LAMC1: variants seen among roughly 807,000 people sequenced by gnomAD.
LAMC1 encodes the protein laminin subunit gamma-1.
Under a neutral mutation model 173.6 loss-of-function variants are expected in LAMC1, and 38 were observed. The ratio of observed to expected loss-of-function variants is 0.22; its 90% confidence interval spans 0.17 to 0.29. The LOEUF (loss-of-function observed/expected upper bound fraction) is 0.29, where lower values mean the gene tolerates loss of function less well. Ranked by LOEUF, LAMC1 falls within the 10% of genes least tolerant of loss-of-function variation. The pLI is 1.00. For synonymous variants in LAMC1, 746 were observed against 749.1 expected (o/e 1.00, Z 0.07); for missense variants, 1,824 against 2,051.8 (o/e 0.89, Z 2.14).
intron 15 of LAMC1, among the ~76,000 whole-genome samples, chr1:183,125,841 G>A (rs994665028): frequency 5.9e-5 from 9 of 152,112 alleles, no homozygotes; most frequent in African/African-American, 2.2e-4. Flanking sequence ...TTGCAGCCTG[G>A]GAACTTCTGT....
chr1:183,070,617 A>G (rs934371473), intron 1 of LAMC1, among the ~76,000 whole-genome samples: 2 of 152,202 alleles, frequency 1.3e-5, no homozygotes, highest in African/African-American at 2.4e-5. Flanking sequence ...TAAATGCTGT[A>G]TCTAGTTAAT....
intron 1 of LAMC1, among the ~76,000 whole-genome samples, chr1:183,098,672 C>G (rs562465983): frequency 6.6e-6 from 1 of 152,148 alleles, no homozygotes; most frequent in Admixed American, 6.6e-5. Flanking sequence ...CTGTCTTTGC[C>G]GCCAGTCTTG....
chr1:183,088,978 A>G (rs532702421), intron 1 of LAMC1, among the ~76,000 whole-genome samples: 1 of 152,350 alleles, frequency 6.6e-6, no homozygotes, highest in East Asian at 1.9e-4. Flanking sequence ...AGGAGTGTGT[A>G]TTAGATCAGG....
intron 1 of LAMC1, among the ~76,000 whole-genome samples, chr1:183,059,223 A>G (rs1305082948): frequency 2.6e-5 from 4 of 152,216 alleles, no homozygotes; most frequent in Non-Finnish European, 5.9e-5. Flanking sequence ...GAGAAGCTTC[A>G]TTGTTGATGC....
At position 183,052,655 on chromosome 1, in the gene LAMC1, C is replaced by T. The variant is rs539724990; in HGVS notation, c.418+28521C>T. On this transcript the variant is annotated intron_variant, in intron 1 of 27. Coordinates refer to ENST00000258341, the MANE Select transcript of LAMC1 (RefSeq NM_002293.4). Reference sequence around the variant, plus strand: ...CAGCCACTTAACTTTCTTTTTCTTACATTTTCATCTCTTTATCCCTCCTGC... The same window carrying T: ...CAGCCACTTAACTTTCTTTTTCTTATATTTTCATCTCTTTATCCCTCCTGC... Among the ~76,000 whole-genome samples the T allele has an allele frequency of 1.7e-3, 257 of 152,162 alleles. 3 individuals carry two copies. Among genetic ancestry groups the T allele is most frequent in the African/African-American group, 5.1e-3 (212 of 41,522 alleles).
intron 24 of LAMC1, among the ~76,000 whole-genome samples, chr1:183,136,062 G>T (rs1656930116): frequency 6.6e-6 from 1 of 152,090 alleles, no homozygotes. Flanking sequence ...TCTTAACTCA[G>T]TACCCGACAC....
intron 16 of LAMC1, 33 bp from the exon 17 acceptor site, chr1:183,127,193 C>T: frequency 6.3e-7 from 1 of 1,593,642 alleles, no homozygotes; most frequent in South Asian, 1.1e-5. Context: ...CCTTCTTTTG[C>T]TAATTATGTA....
At chr1:183,138,565 T>C (rs1323696811) in intron 26 of LAMC1, 1 of 152,176 alleles carries the variant, frequency 6.6e-6, no homozygotes, top group Non-Finnish European at 1.5e-5. Context: ...AGTCCCTCAG[T>C]GTGGGTCATT....
At chr1:183,129,861 A>G (rs892471214) in intron 18 of LAMC1, among the ~76,000 whole-genome samples, 2 of 152,218 alleles carry the variant, frequency 1.3e-5, no homozygotes, top group African/African-American at 2.4e-5. Flanking sequence ...AAAAGAGTCT[A>G]TTTAGTTTAA....
intron 16 of LAMC1, 33 bp from the exon 17 acceptor site, chr1:183,127,193 C>G (rs1656643054): frequency 6.3e-7 from 1 of 1,593,524 alleles, no homozygotes; most frequent in Admixed American, 1.7e-5. Context: ...CCTTCTTTTG[C>G]TAATTATGTA....
At chr1:183,083,853 C>CAT (rs1655352830) in intron 1 of LAMC1, among the ~76,000 whole-genome samples, 1 of 151,970 alleles carries the variant, frequency 6.6e-6, no homozygotes, top group Non-Finnish European at 1.5e-5. Flanking sequence ...CATAATTTCC[C>CAT]ATATATTATA....
intron 1 of LAMC1, among the ~76,000 whole-genome samples, chr1:183,075,053 T>A (rs1655091294): frequency 6.6e-6 from 1 of 152,042 alleles, no homozygotes; most frequent in South Asian, 2.1e-4. Flanking sequence ...CAAGATAGAT[T>A]ATTAAAATTA....
intron 4 of LAMC1, among the ~76,000 whole-genome samples, chr1:183,111,586 G>T (rs185673004): frequency 3.3e-5 from 5 of 152,230 alleles, no homozygotes; most frequent in Admixed American, 3.3e-4. Context: ...TAATGTCATG[G>T]TTTATTCTGA....
intron 1 of LAMC1, among the ~76,000 whole-genome samples, chr1:183,029,478 G>C (rs147074826): frequency 6.6e-6 from 1 of 152,194 alleles, no homozygotes; most frequent in African/African-American, 2.4e-5. Flanking sequence ...TTCTGCAGTG[G>C]TTCCTCAAGG....
chr1:183,043,776 G>A (rs1053782091), intron 1 of LAMC1, among the ~76,000 whole-genome samples: 1 of 152,136 alleles, frequency 6.6e-6, no homozygotes, highest in African/African-American at 2.4e-5. Flanking sequence ...GTAAAAAGGT[G>A]TTGCCTTTTA....
chr1:183,124,760 G>A lies in LAMC1; in HGVS notation c.2531G>A (p.Arg844His), dbSNP rs1656574555. The A allele has an allele frequency of 1.2e-6, 2 of 1,614,174 alleles. No individual in the cohort carries two copies. The highest frequency in any genetic ancestry group is 1.7e-6 in the Non-Finnish European group (2 of 1,180,032). Residue 844 changes from arginine to histidine, a missense_variant, in exon 14 of 28, where the codon CGC becomes CAC. Arg to His is a conservative substitution (Grantham distance 29). Coordinates refer to ENST00000258341, the MANE Select transcript of LAMC1 (RefSeq NM_002293.4). ...CCCAATGCAGTTGGAAATTGCAATC[G>A]CTTGACGGGAGAATGCCTGAAGTGC... is the stretch of plus-strand genomic sequence containing the variant. ...IDPNAVGNCN[R>H]LTGECLKCIY...
chr1:183,096,573 T>TCAA (rs1448056036), intron 1 of LAMC1: 1 of 152,232 alleles, frequency 6.6e-6, no homozygotes, highest in Non-Finnish European at 1.5e-5. Flanking sequence ...AAAACATGAC[T>TCAA]GTTGAAGCCC....
chr1:183,131,174 A>AAAG (rs1656774912), intron 19 of LAMC1, 125 bp from the exon 20 acceptor site: 1 of 422,974 alleles, frequency 2.4e-6, no homozygotes, highest in Non-Finnish European at 4.2e-6. Flanking sequence ...AACTATCTCA[A>AAAG]AAAAAAAAAA....
At chr1:183,031,962 C>T (rs1360889439) in intron 1 of LAMC1, among the ~76,000 whole-genome samples, 2 of 151,624 alleles carry the variant, frequency 1.3e-5, no homozygotes, top group Non-Finnish European at 2.9e-5. Context: ...GTAAAAGGGC[C>T]CTGCTGGAAT....
Sources: gnomAD v4.1 joint callset for allele counts (sites outside exome capture counted in the v4.1 genomes callset) on GRCh38, gnomAD v4.1.1 for gene constraint, MANE v1.5 for transcripts, NCBI Gene and HGNC (gene_info 2026-07-23, HGNC 2026-07-21) for gene names.